ENDOU: variants seen among roughly 807,000 people sequenced by gnomAD.
The protein encoded by ENDOU is uridylate-specific endoribonuclease.
In ENDOU, 49 loss-of-function variants were observed where a neutral mutation model predicts 54.2. That is an observed-to-expected ratio of 0.90 (90% CI 0.72 to 1.15). The LOEUF (loss-of-function observed/expected upper bound fraction) is 1.15. ENDOU is among the 50% of genes most tolerant of loss of function. The probability of loss-of-function intolerance (pLI) is 0.00; values close to 1 mark genes in which losing one functional copy is unlikely to be tolerated. For synonymous variants in ENDOU, 172 were observed against 190.5 expected, an observed-to-expected ratio of 0.90 and a Z score of 0.80; for missense variants, 458 against 511.4, an observed-to-expected ratio of 0.90 and a Z score of 1.01.
Position 47,716,966 on chromosome 12 carries a change from C to T in ENDOU, c.475G>A (p.Glu159Lys). 1 of 1,614,158 alleles carries T rather than the reference C, an allele frequency of 6.2e-7. No homozygotes were observed. Among genetic ancestry groups the T allele is most frequent in the Non-Finnish European group, 8.5e-7 (1 of 1,180,010 alleles). Residue 159 changes from glutamate (E) to lysine (K), a missense_variant, in exon 5 of 10, where the codon GAA (glutamate) becomes AAA (lysine). Physicochemically the swap from Glu to Lys is moderately conservative, Grantham distance 56. Transcript: ENST00000422538. ...YRADTNKAQK[E>K]DIVLNSQNCI... The stretch of plus-strand genomic sequence containing the variant: ...TTTTGGCTATTGAGAACGATGTCTT[C>T]CTTCTGGGCTTTGTTGGTGTCTGCC...
At chr12:47,722,405 T>A (rs756522799) in intron 1 of ENDOU, among the ~76,000 whole-genome samples, 7 of 152,210 alleles carry the variant, frequency 4.6e-5, no homozygotes, top group Non-Finnish European at 8.8e-5. Flanking sequence ...TTCTGTGCGT[T>A]GGTTTTCGTA....
Position 47,718,206 on chromosome 12 carries a change from T to C in ENDOU, c.179-12A>G, listed in dbSNP as rs769806668. 4 of 1,569,352 alleles carry C rather than the reference T, an allele frequency of 2.5e-6. No individual in the cohort carries two copies. The highest frequency in any genetic ancestry group is 2.6e-6 in the Non-Finnish European group (3 of 1,155,060). On this transcript the variant is annotated splice_polypyrimidine_tract_variant and intron_variant, in intron 2 of 9. Transcript: ENST00000422538. ...CTCTTTGTGGTCCTCTGCAGGTAGA[T>C]AGAAAAATAAAGTCACCAACAACCT...
intron 1 of ENDOU, 144 bp downstream of exon 1, chr12:47,725,215 C>A: frequency 1.2e-6 from 1 of 859,870 alleles, no homozygotes; most frequent in Non-Finnish European, 1.9e-6. Flanking sequence ...ACAAGGACAA[C>A]CCAAAAGTGC....
intron 2 of ENDOU, 106 bp downstream of exon 2, chr12:47,720,647 C>T (rs1184324045): frequency 2.3e-6 from 3 of 1,284,338 alleles, no homozygotes; most frequent in Non-Finnish European, 3.2e-6. Flanking sequence ...CTGTCCAGAC[C>T]CTTAGAGCCC....
intron 6 of ENDOU, among the ~76,000 whole-genome samples, chr12:47,713,707 G>A (rs1012675227): frequency 2.8e-5 from 4 of 140,560 alleles, no homozygotes; most frequent in Non-Finnish European, 3.0e-5. Flanking sequence ...AAAGTAGCCC[G>A]TAATGACGGG....
chr12:47,717,670 G>A lies in ENDOU; in HGVS notation c.245-15C>T. On this transcript the variant is annotated splice_polypyrimidine_tract_variant and intron_variant, in intron 3 of 9. Transcript: ENST00000422538. ...CGAGTACAAGTCTGAGAAGAGAGGGGTGGTGTGTCCCGGGCTGACCTCTAG... is the reference window on the plus strand; with the variant it reads ...CGAGTACAAGTCTGAGAAGAGAGGGATGGTGTGTCCCGGGCTGACCTCTAG... 2 of 1,613,488 alleles carry A rather than the reference G, an allele frequency of 1.2e-6. No individual in the cohort carries two copies. The highest frequency in any genetic ancestry group is 1.7e-6 in the Non-Finnish European group (2 of 1,179,836).
At chr12:47,711,246 G>A (rs1264688147) in intron 9 of ENDOU, among the ~76,000 whole-genome samples, 2 of 152,176 alleles carry the variant, frequency 1.3e-5, no homozygotes, top group South Asian at 2.1e-4. Context: ...AGAACTCAAC[G>A]TGTCCGAATG....
chr12:47,711,799 G>A, intron 8 of ENDOU, 24 bp from the exon 9 acceptor site: 1 of 1,613,610 alleles, frequency 6.2e-7, no homozygotes, highest in Non-Finnish European at 8.5e-7. Context: ...GGCAGAAAAG[G>A]GGGTCTGGTG....
intron 9 of ENDOU, 144 bp downstream of exon 9, chr12:47,711,489 G>C: frequency 1.0e-6 from 1 of 983,154 alleles, no homozygotes; most frequent in Non-Finnish European, 1.5e-6. Context: ...AATTGTTCAA[G>C]CAAGAGAACT....
At chr12:47,724,461 A>G (rs1350530791) in intron 1 of ENDOU, among the ~76,000 whole-genome samples, 2 of 152,200 alleles carry the variant, frequency 1.3e-5, no homozygotes, top group East Asian at 3.8e-4. Flanking sequence ...TTATAGTCAT[A>G]ATCATAGCGA....
chr12:47,713,143 G>T (rs1171609202), intron 7 of ENDOU, 132 bp downstream of exon 7: 3 of 663,618 alleles, frequency 4.5e-6, no homozygotes, highest in South Asian at 3.5e-5. Flanking sequence ...ATGGGCAGGG[G>T]AGAGTGCGTG....
intron 1 of ENDOU, among the ~76,000 whole-genome samples, chr12:47,724,926 A>G (rs1203058437): frequency 6.6e-6 from 1 of 152,180 alleles, no homozygotes; most frequent in Admixed American, 6.5e-5. Context: ...CCAAAGTAAC[A>G]TCACACCCTA....
Position 47,710,798 on chromosome 12 carries a change from T to C in ENDOU, c.*4A>G. 5 of 1,607,168 alleles carry C rather than the reference T, an allele frequency of 3.1e-6. No individual in the cohort carries two copies. Among genetic ancestry groups the C allele is most frequent in the Non-Finnish European group, 4.3e-6 (5 of 1,173,660 alleles). On this transcript the variant is annotated 3_prime_UTR_variant, in exon 10 of 10. Transcript: ENST00000422538. ...CTCATGCCCCTTTCTGGCTCGAAGT[T>C]CTATTAGGTGGAAGACACTATGTAG...
At chr12:47,723,310 G>T (rs1308023810) in intron 1 of ENDOU, among the ~76,000 whole-genome samples, 1 of 152,158 alleles carries the variant, frequency 6.6e-6, no homozygotes, top group African/African-American at 2.4e-5. Context: ...GGAGTGCAGG[G>T]GTGGGAGGAA....
At chr12:47,714,815 A>G (rs1286210572) in intron 6 of ENDOU, among the ~76,000 whole-genome samples, 1 of 152,246 alleles carries the variant, frequency 6.6e-6, no homozygotes, top group Non-Finnish European at 1.5e-5. Context: ...GGAGATTTCA[A>G]TGAGGGAACC....
chr12:47,717,530 AC>A lies in ENDOU; in HGVS notation c.369del (p.Cys124ValfsTer13). ...FGNCCKDFES[L>X]CSDHEVSHSS... ...GCAGAAGACTAACCGTGGTCACTAC[AC>A]AGGCTCTCAAAATCCTTGCAGCAGT... On this transcript the variant is annotated frameshift_variant, in exon 4 of 10. Coordinates refer to ENST00000422538, the MANE Select transcript of ENDOU (RefSeq NM_001172439.2). LOFTEE classifies it high-confidence loss of function. 6.2e-7 allele frequency: 1 copy of A among 1,614,182 alleles called. No homozygotes were observed. The highest frequency in any genetic ancestry group is 8.5e-7 in the Non-Finnish European group (1 of 1,180,004).
At chr12:47,711,860 T>G in intron 8 of ENDOU, 85 bp from the exon 9 acceptor site, 1 of 1,489,754 alleles carries the variant, frequency 6.7e-7, no homozygotes, top group East Asian at 2.3e-5. Context: ...AGTCAGACAG[T>G]ATTTGTTGAG....
rs745660062 is a variant in ENDOU at position 47,716,857 on chromosome 12, T to G, written c.551+33A>C. 1.1e-5 allele frequency: 18 copies of G among 1,610,888 alleles called. No homozygotes were observed. The South Asian group carries it at 1.6e-4, about 15-fold the overall frequency. Reference sequence around the variant, plus strand: ...AAGAAGCAAGGATAGGGGCAAGATTTAGGGGGTAGAAAGAGGAATTGTGGG... The same window carrying G: ...AAGAAGCAAGGATAGGGGCAAGATTGAGGGGGTAGAAAGAGGAATTGTGGG... On this transcript the variant is annotated intron_variant, in intron 5 of 9. Transcript: ENST00000422538.
At chr12:47,722,630 C>T (rs975592385) in intron 1 of ENDOU, among the ~76,000 whole-genome samples, 7 of 152,146 alleles carry the variant, frequency 4.6e-5, no homozygotes, top group African/African-American at 1.7e-4. Flanking sequence ...GTTGTGGCCC[C>T]GTCGACACAC....
Sources: allele counts gnomAD v4.1 joint callset (sites outside exome capture counted in the v4.1 genomes callset), GRCh38; gene constraint gnomAD v4.1.1; transcripts MANE v1.5; gene names NCBI Gene and HGNC (gene_info 2026-07-23, HGNC 2026-07-21).